The following LAMA3 variants were observed in gnomAD, a reference collection of about 807,000 sequenced individuals.
The protein encoded by LAMA3 is laminin subunit alpha 3.
Under a neutral mutation model 402.0 loss-of-function variants are expected in LAMA3, and 281 were observed. The observed-to-expected ratio is 0.70, with a 90% CI of 0.63 to 0.77. The LOEUF (loss-of-function observed/expected upper bound fraction) is 0.77, where lower values mean the gene tolerates loss of function less well. Among genes scored for constraint, LAMA3 ranks in the 30% least tolerant of loss-of-function variants. The probability of loss-of-function intolerance (pLI) is 0.00; values close to 1 mark genes in which losing one functional copy is unlikely to be tolerated. For synonymous variants in LAMA3, 1,431 were observed against 1,558.4 expected, an observed-to-expected ratio of 0.92 and a Z score of 1.93; for missense variants, 3,840 against 4,215.5, an observed-to-expected ratio of 0.91 and a Z score of 2.47.
chr18:23,951,435 C>G (rs2082903829), intron 72 of LAMA3, among the ~76,000 whole-genome samples: 1 of 152,170 alleles, frequency 6.6e-6, no homozygotes, highest in Non-Finnish European at 1.5e-5. Context: ...AAGGGAACAA[C>G]TCATTGCCAT....
intron 25 of LAMA3, 130 bp from the exon 26 acceptor site, chr18:23,838,651 T>C (rs2063633751): frequency 1.4e-6 from 1 of 699,264 alleles, no homozygotes; most frequent in South Asian, 1.5e-5. Flanking sequence ...TTTACTACTT[T>C]AAAATAACGA....
intron 51 of LAMA3, 26 bp downstream of exon 51, chr18:23,904,720 C>T (rs371094154): frequency 1.9e-6 from 3 of 1,612,390 alleles, no homozygotes; most frequent in Non-Finnish European, 2.5e-6. Flanking sequence ...AGCAGCTTCT[C>T]CACATTCGCT....
intron 59 of LAMA3, 93 bp downstream of exon 59, chr18:23,915,515 C>A: frequency 8.0e-7 from 1 of 1,251,052 alleles, no homozygotes; most frequent in Non-Finnish European, 1.2e-6. Flanking sequence ...CAGTGAGATG[C>A]TATTGATGTT....
At chr18:23,827,267 G>A in intron 22 of LAMA3, 47 bp from the exon 23 acceptor site, 2 of 1,599,178 alleles carry the variant, frequency 1.3e-6, no homozygotes, top group Non-Finnish European at 1.7e-6. Flanking sequence ...TCCGTTTGAT[G>A]TTCTCAGTTG....
chr18:23,765,604 G>A (rs1323818992), intron 8 of LAMA3, among the ~76,000 whole-genome samples: 3 of 152,150 alleles, frequency 2.0e-5, no homozygotes, highest in African/African-American at 4.8e-5. Flanking sequence ...CCATTCTTAA[G>A]AGAAAAGACA....
intron 21 of LAMA3, among the ~76,000 whole-genome samples, chr18:23,826,202 A>G (rs1050842519): frequency 2.0e-5 from 3 of 152,166 alleles, no homozygotes; most frequent in African/African-American, 7.2e-5. Context: ...TCAGTGGAAC[A>G]TGTTCTTCCT....
chr18:23,844,120 C>G (rs1167497649), intron 29 of LAMA3, among the ~76,000 whole-genome samples: 3 of 152,208 alleles, frequency 2.0e-5, no homozygotes, highest in Admixed American at 2.0e-4. Flanking sequence ...GGAATACCAC[C>G]TGGTGTGTGG....
At chr18:23,802,232 A>G (rs565819924) in intron 12 of LAMA3, among the ~76,000 whole-genome samples, 4 of 152,320 alleles carry the variant, frequency 2.6e-5, no homozygotes, top group African/African-American at 9.6e-5. Flanking sequence ...AAAATCTAAA[A>G]CATGTTTGGT....
intron 6 of LAMA3, among the ~76,000 whole-genome samples, chr18:23,755,478 AC>A (rs1242037619): frequency 1.3e-5 from 2 of 152,230 alleles, no homozygotes; most frequent in African/African-American, 4.8e-5. Flanking sequence ...GATGAAATCC[AC>A]ATCCATGATG....
chr18:23,925,115 C>T (rs567587395), intron 62 of LAMA3, among the ~76,000 whole-genome samples: 14 of 152,304 alleles, frequency 9.2e-5, no homozygotes, highest in Admixed American at 5.2e-4. Flanking sequence ...AACCAGCCAA[C>T]GCTTCCAGAG....
chr18:23,832,353 C>T (rs2063504786), intron 23 of LAMA3, among the ~76,000 whole-genome samples: 1 of 152,038 alleles, frequency 6.6e-6, no homozygotes, highest in Admixed American at 6.5e-5. Flanking sequence ...CACATTCTTT[C>T]CCAGAGGGAA....
chr18:23,759,499 G>A (rs762140537), intron 7 of LAMA3, among the ~76,000 whole-genome samples: 1 of 152,048 alleles, frequency 6.6e-6, no homozygotes, highest in Non-Finnish European at 1.5e-5. Flanking sequence ...AGGTTCAAGC[G>A]GTTCTCCTGC....
At chr18:23,904,761 C>T in intron 51 of LAMA3, 67 bp downstream of exon 51, 1 of 1,505,816 alleles carries the variant, frequency 6.6e-7, no homozygotes, top group Non-Finnish European at 9.2e-7. Flanking sequence ...TATTTTCTTT[C>T]CGTGGGCTCC....
Position 23,753,702 on chromosome 18 carries a change from T to C in LAMA3, c.856-19T>C. 1 of 1,597,612 alleles carries C rather than the reference T, an allele frequency of 6.3e-7. No homozygotes were observed. The highest frequency in any genetic ancestry group is 1.1e-5 in the South Asian group (1 of 90,694). On this transcript the variant is annotated intron_variant, in intron 5 of 74. Transcript: ENST00000313654. The stretch of plus-strand genomic sequence containing the variant: ...TCACTGTTCAGTGAAACTTGCATGT[T>C]CTGTGTTCTGTTGTGCAGTATTATT...
At chr18:23,705,321 AG>A (rs1187792617) in intron 1 of LAMA3, among the ~76,000 whole-genome samples, 1 of 152,006 alleles carries the variant, frequency 6.6e-6, no homozygotes, top group African/African-American at 2.4e-5. Context: ...TCAGGCACGG[AG>A]TTAGATTATG....
At chr18:23,843,884 T>C (rs951847489) in intron 29 of LAMA3, among the ~76,000 whole-genome samples, 3 of 152,222 alleles carry the variant, frequency 2.0e-5, no homozygotes, top group Admixed American at 6.5e-5. Flanking sequence ...TTTCTCACAC[T>C]GTCCCTTTTT....
intron 4 of LAMA3, among the ~76,000 whole-genome samples, chr18:23,750,451 T>G (rs1828893108): frequency 3.5e-5 from 5 of 143,048 alleles, no homozygotes; most frequent in African/African-American, 1.0e-4. Context: ...TTTTTTTTTT[T>G]TTTTTTTTTT....
At chr18:23,791,990 A>G (rs2062666817) in intron 12 of LAMA3, among the ~76,000 whole-genome samples, 1 of 152,172 alleles carries the variant, frequency 6.6e-6, no homozygotes, top group Non-Finnish European at 1.5e-5. Flanking sequence ...TTCCAAGGCC[A>G]AGTCACCATG....
chr18:23,928,285 A>C (rs1426209481), intron 63 of LAMA3, 45 bp downstream of exon 63: 2 of 1,225,510 alleles, frequency 1.6e-6, no homozygotes. Flanking sequence ...TTCCCAGCCA[A>C]CCCACCTTCC....
Sources: gnomAD v4.1 joint callset for allele counts (sites outside exome capture counted in the v4.1 genomes callset) on GRCh38, gnomAD v4.1.1 for gene constraint, MANE v1.5 for transcripts, NCBI Gene and HGNC (gene_info 2026-07-23, HGNC 2026-07-21) for gene names.